CRACDL: variants seen among roughly 807,000 people sequenced by gnomAD.
CRACDL encodes the protein CRACD-like protein.
CRACDL carries 26 observed loss-of-function variants against 70.6 expected under a neutral mutation model. The ratio of observed to expected loss-of-function variants is 0.37; its 90% CI spans 0.27 to 0.51. The LOEUF is 0.51. Among genes scored for constraint, CRACDL ranks in the 20% least tolerant of loss-of-function variants. The probability of loss-of-function intolerance (pLI) is 0.94; values close to 1 mark genes in which losing one functional copy is unlikely to be tolerated. For synonymous variants in CRACDL, 618 were observed against 615.2 expected (o/e 1.00, Z -0.07); for missense variants, 1,283 against 1,376.9 (o/e 0.93, Z 1.08).
chr2:98,917,265 T>G (rs537269142), intron 1 of CRACDL, among the ~76,000 whole-genome samples: 2 of 152,310 alleles, frequency 1.3e-5, no homozygotes, highest in African/African-American at 2.4e-5. Context: ...CACCTTTATA[T>G]GTAACATTGT....
chr2:98,818,100 T>C (rs983449975), intron 7 of CRACDL, among the ~76,000 whole-genome samples: 1 of 152,196 alleles, frequency 6.6e-6, no homozygotes, highest in African/African-American at 2.4e-5. Flanking sequence ...CTGGGATGGA[T>C]TGAACCAACA....
Position 98,822,149 on chromosome 2 carries a change from C to A in CRACDL, c.2124G>T (p.Arg708Ser). The change falls in exon 7 of 10, where the codon AGG (arginine) becomes AGT (serine). Residue 708 changes from arginine to serine, a missense_variant. Physicochemically the swap from Arg to Ser is moderately radical, Grantham distance 110 (BLOSUM62 -1). Around this residue, in one of 2 missense-constraint regions of CRACDL, gnomAD observed 921 missense variants for 881.9 expected, o/e 1.04. Transcript: ENST00000397899. The surrounding 1 kb of genome is among the most constrained non-coding windows in gnomAD (Gnocchi z 4.9). The part of the protein sequence containing the change: ...GASQEVKGVK[R>S]YSAEVRLERS... ...TTTCTAACCGGACCTCGGCACTGTA[C>A]CTCTTCACACCCTTCACCTCCTGAG... 1 of 1,605,268 alleles carries A rather than the reference C, an allele frequency of 6.2e-7. No individual in the cohort carries two copies. The highest frequency in any genetic ancestry group is 8.5e-7 in the Non-Finnish European group (1 of 1,176,222).
At chr2:98,913,553 G>A (rs1373332838) in intron 1 of CRACDL, among the ~76,000 whole-genome samples, 2 of 152,174 alleles carry the variant, frequency 1.3e-5, no homozygotes, top group Non-Finnish European at 2.9e-5. Flanking sequence ...CACGGGGCTG[G>A]CTGGGAGGAG....
chr2:98,869,274 C>T (rs992385165), intron 1 of CRACDL: 14 of 1,230,708 alleles, frequency 1.1e-5, no homozygotes, highest in South Asian at 7.3e-5. Context: ...CAGAAGTACC[C>T]GTGCGCCAGG....
At position 98,796,107 on chromosome 2, in the gene CRACDL, G is replaced by A; in HGVS notation, c.2749+13C>T. 1.2e-6 allele frequency: 2 copies of A among 1,610,770 alleles called. No individual in the cohort carries two copies. The highest frequency in any genetic ancestry group is 1.7e-6 in the Non-Finnish European group (2 of 1,177,060). On this transcript the variant is annotated intron_variant, in intron 9 of 9. Transcript: ENST00000397899. ...GATTTCAAAGTATGTGGTAATGTTT[G>A]CAGATTTCATACCCAAGTTCTGATG...
chr2:98,819,963 G>C (rs1339987002), intron 7 of CRACDL, among the ~76,000 whole-genome samples: 1 of 151,496 alleles, frequency 6.6e-6, no homozygotes, highest in Non-Finnish European at 1.5e-5. Flanking sequence ...GGGATTAGAG[G>C]TGCGCGCCAC....
intron 7 of CRACDL, among the ~76,000 whole-genome samples, chr2:98,807,291 T>C (rs1024329527): frequency 1.3e-5 from 2 of 152,210 alleles, no homozygotes; most frequent in African/African-American, 2.4e-5. Flanking sequence ...ATAAAACCAC[T>C]TCCTCCCCAT....
At chr2:98,796,351 C>T (rs1406770964) in intron 8 of CRACDL, 87 bp from the exon 9 acceptor site, 1 of 1,402,996 alleles carries the variant, frequency 7.1e-7, no homozygotes, top group Non-Finnish European at 1.0e-6. Context: ...TGCAAAGCTG[C>T]TCATCCAAGA....
At chr2:98,865,936 G>A (rs1376891746) in intron 1 of CRACDL, among the ~76,000 whole-genome samples, 1 of 151,632 alleles carries the variant, frequency 6.6e-6, no homozygotes, top group African/African-American at 2.4e-5. Context: ...GGGCAGCTGG[G>A]ATTACAGGTG....
chr2:98,803,617 C>T (rs926261541), intron 7 of CRACDL, among the ~76,000 whole-genome samples: 20 of 152,334 alleles, frequency 1.3e-4, no homozygotes, highest in Admixed American at 1.2e-3. Context: ...GCATATGCTA[C>T]TTCCAATTTT....
intron 1 of CRACDL, among the ~76,000 whole-genome samples, chr2:98,860,431 G>A (rs1016188330): frequency 3.3e-5 from 5 of 152,142 alleles, no homozygotes; most frequent in Non-Finnish European, 5.9e-5. Context: ...GTACTGTACT[G>A]GCATATTGGT....
At position 98,803,546 on chromosome 2, in the gene CRACDL, G is replaced by GAGAAAAA. The variant is rs1248020471; in HGVS notation, c.2417-6016_2417-6010dup. ...TTAGAAAGTAGATAAAAGTATAAAG[G>GAGAAAAA]AGAAAAAAGCTTCCCATAAATCAAC... On this transcript the variant is annotated intron_variant, in intron 7 of 9. Coordinates refer to ENST00000397899, the MANE Select transcript of CRACDL (RefSeq NM_207362.3). 2.6e-5 allele frequency among the ~76,000 whole-genome samples: 4 copies of GAGAAAAA among 152,286 alleles called. No individual in the cohort carries two copies. The East Asian group carries it at 7.7e-4, about 29-fold the overall frequency.
In CRACDL at chr2:98,846,722, G is replaced by A. The variant is rs1457529468; in HGVS notation, c.70+9C>T. On this transcript the variant is annotated intron_variant, in intron 2 of 9. Coordinates refer to ENST00000397899, the MANE Select transcript of CRACDL (RefSeq NM_207362.3). ...TGCCCTCCCCAGAGCAGGGGAAGCAGGGCCTTACCTGTGCTGTCCTCCCCA... is the reference window on the plus strand; with the variant it reads ...TGCCCTCCCCAGAGCAGGGGAAGCAAGGCCTTACCTGTGCTGTCCTCCCCA... The A allele has an allele frequency of 1.2e-6, 2 of 1,612,632 alleles. No homozygotes were observed. Among genetic ancestry groups the A allele is most frequent in the South Asian group, 2.2e-5 (2 of 91,046 alleles).
At chr2:98,829,877 G>T (rs1052672314) in intron 5 of CRACDL, among the ~76,000 whole-genome samples, 16 of 152,190 alleles carry the variant, frequency 1.1e-4, no homozygotes, top group African/African-American at 3.6e-4. Context: ...CGCTGGTCCT[G>T]CTGGGAAGGA....
chr2:98,927,917 A>C (rs2048948), intron 1 of CRACDL, among the ~76,000 whole-genome samples: 1 of 151,466 alleles, frequency 6.6e-6, no homozygotes, highest in African/African-American at 2.4e-5. Flanking sequence ...GCAGTGGCTC[A>C]TGCCTGTAAT....
chr2:98,849,380 G>C (rs1706388684), intron 1 of CRACDL, among the ~76,000 whole-genome samples: 1 of 152,206 alleles, frequency 6.6e-6, no homozygotes, highest in South Asian at 2.1e-4. Flanking sequence ...TTGTTGGGAA[G>C]AACAAGGTGA....
chr2:98,862,607 A>AGAAATCT (rs956005314), intron 1 of CRACDL, among the ~76,000 whole-genome samples: 18 of 152,252 alleles, frequency 1.2e-4, no homozygotes, highest in Admixed American at 1.3e-4. Flanking sequence ...GAAACCAAAA[A>AGAAATCT]GAAATCTGGG....
chr2:98,930,344 G>A (rs1328194457), intron 1 of CRACDL, among the ~76,000 whole-genome samples: 4 of 22,934 alleles, frequency 1.7e-4, no homozygotes, highest in Non-Finnish European at 3.0e-4. Flanking sequence ...CCTCTGTACC[G>A]TGTCCCCTAC....
At chr2:98,815,716 C>T (rs1253974768) in intron 7 of CRACDL, among the ~76,000 whole-genome samples, 2 of 152,172 alleles carry the variant, frequency 1.3e-5, no homozygotes, top group Non-Finnish European at 2.9e-5. Context: ...ATACTTGGAG[C>T]AGGGCTGGAA....
Sources: allele counts gnomAD v4.1 joint callset (sites outside exome capture counted in the v4.1 genomes callset), GRCh38; gene constraint gnomAD v4.1.1; regional missense constraint gnomAD v4.1.1; non-coding constraint Gnocchi (gnomAD v3.1); transcripts MANE v1.5; gene names NCBI Gene and HGNC (gene_info 2026-07-23, HGNC 2026-07-21).